Variants in CADM1 observed in about 807,000 individuals in gnomAD.
CADM1 encodes TSLC-1.
CADM1 carries 15 observed loss-of-function variants against 53.1 expected under a neutral mutation model. The observed-to-expected ratio is 0.28, with a 90% CI of 0.19 to 0.44. The LOEUF is 0.44. Among genes scored for constraint, CADM1 ranks in the 20% least tolerant of loss-of-function variants. The pLI, the probability that CADM1 is intolerant of heterozygous loss-of-function variation, is 1.00. For missense variants in CADM1, 434 were observed against 611.3 expected, an observed-to-expected ratio of 0.71 and a Z score of 3.06; for synonymous variants, 281 against 243.0, an observed-to-expected ratio of 1.16 and a Z score of -1.45.
intron 1 of CADM1, among the ~76,000 whole-genome samples, chr11:115,440,635 T>C (rs902969492): frequency 2.0e-5 from 3 of 152,160 alleles, no homozygotes; most frequent in South Asian, 2.1e-4. Context: ...GAAACACCAC[T>C]GAATCCACAG....
At position 115,317,206 on chromosome 11, in the gene CADM1, T is replaced by C. The variant is rs188097358; in HGVS notation, c.125-76786A>G. 7.5e-4 allele frequency among the ~76,000 whole-genome samples: 114 copies of C among 152,182 alleles called. 2 individuals are homozygous for C. The East Asian group carries it at 0.016, about 21-fold the overall frequency. On this transcript the variant is annotated intron_variant, in intron 1 of 11. Transcript: ENST00000331581. ...AGCAAGTAAGCCCAGATACAGAAAA[T>C]TGATCTTCAATTGCCCCTGCAGCCT...
intron 1 of CADM1, among the ~76,000 whole-genome samples, chr11:115,254,261 T>C (rs1942701487): frequency 6.6e-6 from 1 of 152,186 alleles, no homozygotes; most frequent in Non-Finnish European, 1.5e-5. Flanking sequence ...TAAGACTTCA[T>C]GGGTGCTAGG....
chr11:115,267,601 T>C (rs1943177909), intron 1 of CADM1, among the ~76,000 whole-genome samples: 1 of 152,090 alleles, frequency 6.6e-6, no homozygotes, highest in Non-Finnish European at 1.5e-5. Context: ...ATGTAGGTTA[T>C]CTGCACAACA....
chr11:115,213,435 G>A (rs536120964), intron 7 of CADM1, among the ~76,000 whole-genome samples: 1 of 152,138 alleles, frequency 6.6e-6, no homozygotes, highest in Non-Finnish European at 1.5e-5. Context: ...ACATACTTCA[G>A]AAGTCTACAA....
chr11:115,219,361 C>A (rs1941316643), intron 5 of CADM1, among the ~76,000 whole-genome samples: 1 of 152,166 alleles, frequency 6.6e-6, no homozygotes, highest in African/African-American at 2.4e-5. Context: ...TTTCCTATCA[C>A]AAATCTTTCT....
chr11:115,274,270 C>T (rs1943383754), intron 1 of CADM1, among the ~76,000 whole-genome samples: 1 of 152,200 alleles, frequency 6.6e-6, no homozygotes, highest in Non-Finnish European at 1.5e-5. Flanking sequence ...GGGTTTGTTT[C>T]CTATTTCTTG....
chr11:115,289,599 T>TC (rs974876844), intron 1 of CADM1, among the ~76,000 whole-genome samples: 3 of 88,608 alleles, frequency 3.4e-5, no homozygotes, highest in East Asian at 1.7e-3. Context: ...TTTTCTTTTT[T>TC]TTTTTTTTTT....
intron 1 of CADM1, among the ~76,000 whole-genome samples, chr11:115,443,208 A>C (rs2135329201): frequency 7.2e-6 from 1 of 139,842 alleles, no homozygotes; most frequent in East Asian, 2.1e-4. Flanking sequence ...GGAGAAAAAA[A>C]AATCTGTACA....
intron 1 of CADM1, among the ~76,000 whole-genome samples, chr11:115,441,096 A>AT: frequency 6.6e-6 from 1 of 152,044 alleles, no homozygotes. Context: ...GATTTTAGCA[A>AT]TATGGACATG....
In CADM1 at chr11:115,176,348, C is replaced by T; in HGVS notation, c.*126G>A. 6.3e-7 allele frequency: 1 copy of T among 1,583,754 alleles called. No homozygotes were observed. The highest frequency in any genetic ancestry group is 8.6e-7 in the Non-Finnish European group (1 of 1,161,516). On this transcript the variant is annotated 3_prime_UTR_variant, in exon 12 of 12. Coordinates refer to ENST00000331581, the MANE Select transcript of CADM1 (RefSeq NM_001301043.2). Reference sequence around the variant, plus strand: ...TTTTACACAGCAAATCCCAAGCCTTCCCAGTCTCACACCTTTCCACCCATT... The same window carrying T: ...TTTTACACAGCAAATCCCAAGCCTTTCCAGTCTCACACCTTTCCACCCATT...
At chr11:115,457,886 T>C (rs1045679151) in intron 1 of CADM1, among the ~76,000 whole-genome samples, 1 of 152,098 alleles carries the variant, frequency 6.6e-6, no homozygotes, top group Non-Finnish European at 1.5e-5. Context: ...CAAAGCCCAA[T>C]GTGGACAGTA....
chr11:115,183,026 A>C lies in CADM1; in HGVS notation c.1166-4251T>G, dbSNP rs144908788. On this transcript the variant is annotated intron_variant, in intron 10 of 11. Coordinates refer to ENST00000331581, the MANE Select transcript of CADM1 (RefSeq NM_001301043.2). ...TGCGGGACAGAGAAATCTCAAAGAA[A>C]CTCCCAAGAGTGATGCCCCAAACTG... is the stretch of plus-strand genomic sequence containing the variant. 3.8e-4 allele frequency among the ~76,000 whole-genome samples: 58 copies of C among 152,014 alleles called. No homozygotes were observed. The East Asian group carries it at 0.011, about 28-fold the overall frequency.
intron 1 of CADM1, among the ~76,000 whole-genome samples, chr11:115,491,011 A>T (rs1317112149): frequency 2.6e-5 from 4 of 152,170 alleles, no homozygotes; most frequent in Admixed American, 2.6e-4. Context: ...TCCAAGAGGC[A>T]CTTTTAGAAC....
intron 1 of CADM1, among the ~76,000 whole-genome samples, chr11:115,267,698 T>C (rs529766165): frequency 3.5e-4 from 52 of 147,670 alleles, no homozygotes; most frequent in Non-Finnish European, 5.4e-4. Context: ...TTTTTTTTTT[T>C]CTAAAATTGC....
chr11:115,358,001 T>C (rs1945922467), intron 1 of CADM1, among the ~76,000 whole-genome samples: 1 of 152,170 alleles, frequency 6.6e-6, no homozygotes, highest in Non-Finnish European at 1.5e-5. Context: ...AATAGCTTGA[T>C]TGAGGTCTAA....
rs141910110 is a variant in CADM1, at chr11:115,244,382, T to C, written c.125-3962A>G. ...AGTGACATTACATAAAACACTTGCC[T>C]GGATTGGAATCTATTCAGTCAACAA... On this transcript the variant is annotated intron_variant, in intron 1 of 11. Transcript: ENST00000331581. Among the ~76,000 whole-genome samples the C allele has an allele frequency of 1.3e-4, 20 of 152,338 alleles. No individual in the cohort carries two copies. The East Asian group carries it at 3.9e-3, about 29-fold the overall frequency.
intron 5 of CADM1, among the ~76,000 whole-genome samples, chr11:115,220,405 T>C (rs1460442224): frequency 6.6e-6 from 1 of 152,236 alleles, no homozygotes; most frequent in Non-Finnish European, 1.5e-5. Context: ...GGATTTGTTA[T>C]ACCCAAAATT....
chr11:115,472,455 G>C (rs1308677775), intron 1 of CADM1, among the ~76,000 whole-genome samples: 1 of 152,208 alleles, frequency 6.6e-6, no homozygotes. Flanking sequence ...ATATAGGGGG[G>C]GGTGTGTGTG....
rs1251758744 is a variant in CADM1, at chr11:115,257,492, C to A, written c.125-17072G>T. Among the ~76,000 whole-genome samples the A allele has an allele frequency of 5.9e-5, 9 of 152,162 alleles. No homozygotes were observed. In the East Asian group the frequency reaches 1.7e-3, roughly 29 times the overall value. On this transcript the variant is annotated intron_variant, in intron 1 of 11. Transcript: ENST00000331581. ...AATATGTCCAAAGCACACATTAGAA[C>A]CTTAACCTTTAGAATGCTGGTATTC... is the stretch of plus-strand genomic sequence containing the variant.
Sources: gnomAD v4.1 joint callset for allele counts (sites outside exome capture counted in the v4.1 genomes callset) on GRCh38, gnomAD v4.1.1 for gene constraint, MANE v1.5 for transcripts, NCBI Gene and HGNC (gene_info 2026-07-23, HGNC 2026-07-21) for gene names.